The following ANO4 variants were observed in gnomAD, a reference collection of about 807,000 sequenced individuals.
The protein encoded by ANO4 is anoctamin 4, also known as anoctamin-4.
In ANO4, 69 loss-of-function variants were observed where a neutral mutation model predicts 141.9. The observed-to-expected ratio is 0.49, with a 90% CI of 0.40 to 0.59. ANO4 has a LOEUF of 0.59. Among genes scored for constraint, ANO4 ranks in the 20% least tolerant of loss-of-function variants. The probability of loss-of-function intolerance (pLI) is 0.00; values close to 1 mark genes in which losing one functional copy is unlikely to be tolerated. For missense variants in ANO4, 894 were observed against 1,162.2 expected, an observed-to-expected ratio of 0.77 and a Z score of 3.36; for synonymous variants, 350 against 394.3, an observed-to-expected ratio of 0.89 and a Z score of 1.33.
At chr12:101,064,735 C>T (rs1191039939) in intron 14 of ANO4, among the ~76,000 whole-genome samples, 3 of 151,462 alleles carry the variant, frequency 2.0e-5, no homozygotes, top group Non-Finnish European at 2.9e-5. Context: ...GTTTTGCTTT[C>T]CACAGTTTCA....
chr12:101,103,221 A>C (rs1404481605), intron 22 of ANO4, among the ~76,000 whole-genome samples: 9 of 107,390 alleles, frequency 8.4e-5, no homozygotes, highest in African/African-American at 2.8e-4. Context: ...ATATATATAT[A>C]TATATATATC....
In ANO4 at chr12:101,098,011, A is replaced by G. The variant is rs2050051414; in HGVS notation, c.2006+66A>G. On this transcript the variant is annotated intron_variant, in intron 21 of 27. Coordinates refer to ENST00000392977, the MANE Select transcript of ANO4 (RefSeq NM_001286615.2). Reference sequence around the variant, plus strand: ...CATTATTGGCTTTTCTAGGTGTGGCAAGTAAGATAAGCAATGCAGACTCAG... The same window carrying G: ...CATTATTGGCTTTTCTAGGTGTGGCGAGTAAGATAAGCAATGCAGACTCAG... 9.1e-6 allele frequency: 13 copies of G among 1,427,820 alleles called. 1 individual carries two copies. The highest frequency in any genetic ancestry group is 1.2e-5 in the Non-Finnish European group (12 of 1,018,460). 88.4% of individuals were successfully genotyped at this position (1,427,820 alleles called of 1,614,324 possible). A position where few individuals can be genotyped will look rare whatever the true frequency, so the allele number is the denominator to read the frequency against.
intron 9 of ANO4, among the ~76,000 whole-genome samples, chr12:101,033,800 A>C (rs1274941600): frequency 6.6e-6 from 1 of 152,100 alleles, no homozygotes; most frequent in Non-Finnish European, 1.5e-5. Context: ...TACAAGAGAA[A>C]AAACAACCCC....
intron 3 of ANO4, among the ~76,000 whole-genome samples, chr12:100,769,347 C>G (rs1305726816): frequency 5.3e-5 from 8 of 152,102 alleles, no homozygotes. Context: ...AATAGGATAT[C>G]ATGAAGGTAA....
intron 8 of ANO4, among the ~76,000 whole-genome samples, chr12:101,013,284 T>A (rs1423474985): frequency 1.3e-5 from 2 of 152,196 alleles, no homozygotes; most frequent in Non-Finnish European, 2.9e-5. Flanking sequence ...CAAGCCTTGA[T>A]GACTTGCCTC....
chr12:100,926,822 G>A (rs146631812), intron 3 of ANO4, among the ~76,000 whole-genome samples: 1 of 152,036 alleles, frequency 6.6e-6, no homozygotes, highest in South Asian at 2.1e-4. Context: ...GAAATTGCAA[G>A]AGAGATGCCC....
chr12:100,725,704 T>C (rs927630806), intron 1 of ANO4, among the ~76,000 whole-genome samples: 5 of 152,210 alleles, frequency 3.3e-5, no homozygotes, highest in African/African-American at 1.2e-4. Context: ...CTTTGGAGCT[T>C]CATAGTTTAT....
intron 6 of ANO4, 109 bp downstream of exon 6, chr12:100,971,515 A>C: frequency 1.4e-6 from 1 of 702,040 alleles, no homozygotes; most frequent in Non-Finnish European, 2.3e-6. Flanking sequence ...AGGCCATTAG[A>C]GGAGGGAATC....
At chr12:101,068,351 G>A in intron 14 of ANO4, 1 of 1,107,940 alleles carries the variant, frequency 9.0e-7, no homozygotes. Context: ...GAAACTGGGA[G>A]AAGGTAAAGG....
chr12:100,914,562 T>C (rs1375685754), intron 2 of ANO4, among the ~76,000 whole-genome samples: 1 of 152,216 alleles, frequency 6.6e-6, no homozygotes, highest in Non-Finnish European at 1.5e-5. Context: ...CATCTTCTAT[T>C]GTGAAGCTTT....
intron 1 of ANO4, among the ~76,000 whole-genome samples, chr12:100,731,727 A>G (rs1320882941): frequency 6.6e-6 from 1 of 152,226 alleles, no homozygotes; most frequent in Non-Finnish European, 1.5e-5. Flanking sequence ...CCAGAATGTC[A>G]CATAGTTGGA....
At chr12:100,927,586 G>C (rs138122586) in intron 3 of ANO4, among the ~76,000 whole-genome samples, 1,534 of 152,250 alleles carry the variant, frequency 0.01, 11 homozygotes, top group Non-Finnish European at 0.018. Context: ...TGAATCAGGT[G>C]TATGTGTGTG....
intron 2 of ANO4, among the ~76,000 whole-genome samples, chr12:100,908,196 A>T (rs2040932382): frequency 2.6e-5 from 4 of 152,090 alleles, no homozygotes; most frequent in Admixed American, 2.6e-4. Flanking sequence ...CTAAAAATAC[A>T]AAATTAGCCG....
At chr12:101,099,458 T>C (rs913433338) in intron 21 of ANO4, 120 bp from the exon 22 acceptor site, 4 of 934,194 alleles carry the variant, frequency 4.3e-6, no homozygotes, top group African/African-American at 3.3e-5. Flanking sequence ...CTTTATTTCT[T>C]TGATAGCCTG....
At chr12:100,922,190 C>A in intron 2 of ANO4, 36 bp from the exon 3 acceptor site, 1 of 1,442,716 alleles carries the variant, frequency 6.9e-7, no homozygotes, top group Non-Finnish European at 9.2e-7. Flanking sequence ...CTCTGATAAC[C>A]AGTGCAAACT....
chr12:100,811,731 T>C (rs971024484), intron 1 of ANO4, among the ~76,000 whole-genome samples: 1 of 152,192 alleles, frequency 6.6e-6, no homozygotes, highest in African/African-American at 2.4e-5. Context: ...CAGTAAACCA[T>C]GCACAGTCCT....
At chr12:101,038,541 G>C (rs2047288694) in intron 10 of ANO4, 1 of 152,140 alleles carries the variant, frequency 6.6e-6, no homozygotes, top group Non-Finnish European at 1.5e-5. Context: ...ATTGGTAATA[G>C]CAGCAGCAAT....
At chr12:100,960,682 T>G (rs2043381340) in intron 5 of ANO4, among the ~76,000 whole-genome samples, 1 of 152,148 alleles carries the variant, frequency 6.6e-6, no homozygotes. Flanking sequence ...AGACACCAAA[T>G]TCTTCTGTCT....
chr12:100,987,477 C>G, intron 7 of ANO4, 62 bp from the exon 8 acceptor site: 1 of 1,583,984 alleles, frequency 6.3e-7, no homozygotes, highest in Non-Finnish European at 8.6e-7. Context: ...AGACCTTCCT[C>G]CTGTGTTTCA....
Sources: gnomAD v4.1 joint callset for allele counts (sites outside exome capture counted in the v4.1 genomes callset) on GRCh38, gnomAD v4.1.1 for gene constraint, MANE v1.5 for transcripts, NCBI Gene and HGNC (gene_info 2026-07-23, HGNC 2026-07-21) for gene names.